The following THSD7B variants were observed in gnomAD, a reference collection of about 807,000 sequenced individuals.
THSD7B encodes the protein thrombospondin type-1 domain-containing protein 7B.
In THSD7B, 138 loss-of-function variants were observed where a neutral mutation model predicts 213.6. The observed-to-expected ratio is 0.65, with a 90% CI of 0.56 to 0.74. The LOEUF (loss-of-function observed/expected upper bound fraction) is 0.74. THSD7B is among the 30% of genes least tolerant of loss of function. The pLI, the probability that THSD7B is intolerant of heterozygous loss-of-function variation, is 0.00. For synonymous variants in THSD7B, 742 were observed against 687.0 expected, an observed-to-expected ratio of 1.08 and a Z score of -1.25; for missense variants, 1,931 against 1,991.5, an observed-to-expected ratio of 0.97 and a Z score of 0.58.
chr2:136,896,978 C>T (rs971558238), intron 2 of THSD7B, among the ~76,000 whole-genome samples: 9 of 151,790 alleles, frequency 5.9e-5, no homozygotes, highest in African/African-American at 2.2e-4. Context: ...CAGGGTCTCA[C>T]TATGTCACCC....
intron 7 of THSD7B, among the ~76,000 whole-genome samples, chr2:137,214,527 C>A (rs1681192921): frequency 6.6e-6 from 1 of 152,096 alleles, no homozygotes; most frequent in South Asian, 2.1e-4. Flanking sequence ...TGGTTTGCTG[C>A]ACCCATCACC....
chr2:136,830,619 T>C (rs1317161767), intron 1 of THSD7B, among the ~76,000 whole-genome samples: 1 of 152,230 alleles, frequency 6.6e-6, no homozygotes, highest in African/African-American at 2.4e-5. Flanking sequence ...TATTTTCTTC[T>C]TCTCTCTATC....
chr2:137,139,712 A>G (rs1679544631), intron 5 of THSD7B, among the ~76,000 whole-genome samples: 1 of 152,150 alleles, frequency 6.6e-6, no homozygotes, highest in Non-Finnish European at 1.5e-5. Flanking sequence ...TGTAGATATT[A>G]CATTTGCCTG....
intron 2 of THSD7B, among the ~76,000 whole-genome samples, chr2:136,955,592 G>T (rs925198315): frequency 1.3e-5 from 2 of 152,054 alleles, no homozygotes; most frequent in Non-Finnish European, 2.9e-5. Flanking sequence ...ATTAAGTTTA[G>T]GACATGAGTT....
intron 1 of THSD7B, among the ~76,000 whole-genome samples, chr2:136,770,152 C>T (rs1204535645): frequency 6.6e-6 from 1 of 152,176 alleles, no homozygotes; most frequent in African/African-American, 2.4e-5. Flanking sequence ...AACTTCGTGG[C>T]AGTTAGGCAC....
intron 15 of THSD7B, among the ~76,000 whole-genome samples, chr2:137,518,382 T>C (rs1029330830): frequency 1.3e-5 from 2 of 152,158 alleles, no homozygotes; most frequent in Non-Finnish European, 2.9e-5. Flanking sequence ...CTGTGCCTGG[T>C]TGTGCACTTT....
At chr2:137,289,446 A>T (rs146507433) in intron 12 of THSD7B, among the ~76,000 whole-genome samples, 100 of 152,172 alleles carry the variant, frequency 6.6e-4, no homozygotes, top group African/African-American at 2.3e-3. Context: ...ACCACCTAAG[A>T]TCTTTATGCT....
intron 5 of THSD7B, among the ~76,000 whole-genome samples, chr2:137,155,721 CT>C (rs1229473789): frequency 6.6e-6 from 1 of 152,108 alleles, no homozygotes; most frequent in African/African-American, 2.4e-5. Flanking sequence ...TGGGAAAAGA[CT>C]GGAGTTTTGC....
intron 1 of THSD7B, among the ~76,000 whole-genome samples, chr2:136,839,978 G>T (rs769361077): frequency 6.6e-6 from 1 of 152,154 alleles, no homozygotes; most frequent in African/African-American, 2.4e-5. Flanking sequence ...GGGATATTAA[G>T]TTGGAATGAC....
At chr2:136,804,786 T>A (rs1350365665) in intron 1 of THSD7B, among the ~76,000 whole-genome samples, 1 of 152,180 alleles carries the variant, frequency 6.6e-6, no homozygotes, top group African/African-American at 2.4e-5. Flanking sequence ...GTAAAAAAGC[T>A]TGCTTAATTA....
intron 1 of THSD7B, among the ~76,000 whole-genome samples, chr2:136,779,728 G>T (rs1681695121): frequency 6.6e-6 from 1 of 152,092 alleles, no homozygotes. Flanking sequence ...AATTTTCTGG[G>T]GTTTTCAACA....
chr2:137,286,798 G>A (rs1268175228), intron 12 of THSD7B, among the ~76,000 whole-genome samples: 1 of 152,108 alleles, frequency 6.6e-6, no homozygotes, highest in Non-Finnish European at 1.5e-5. Flanking sequence ...TTATCCACGA[G>A]CTATGGGCAT....
intron 12 of THSD7B, among the ~76,000 whole-genome samples, chr2:137,335,126 C>T (rs1431616591): frequency 6.6e-6 from 1 of 152,144 alleles, no homozygotes; most frequent in Non-Finnish European, 1.5e-5. Flanking sequence ...ATCCAGTAAC[C>T]TACCCCAGAA....
chr2:137,348,192 C>T (rs551293873), intron 12 of THSD7B, among the ~76,000 whole-genome samples: 1 of 151,770 alleles, frequency 6.6e-6, no homozygotes, highest in South Asian at 2.1e-4. Flanking sequence ...TGTAGACACT[C>T]AACAGAAGAT....
At chr2:137,426,261 A>G (rs1326362791) in intron 14 of THSD7B, among the ~76,000 whole-genome samples, 2 of 152,158 alleles carry the variant, frequency 1.3e-5, no homozygotes, top group African/African-American at 4.8e-5. Flanking sequence ...ATTCAAAATC[A>G]TCTACAGACT....
intron 12 of THSD7B, among the ~76,000 whole-genome samples, chr2:137,389,731 G>C (rs2104976419): frequency 6.6e-6 from 1 of 151,742 alleles, no homozygotes; most frequent in Admixed American, 6.6e-5. Context: ...AAACAATTTT[G>C]AGTTGCTTTT....
rs867086041 is a variant in THSD7B, at chr2:137,563,236, C to T, written c.3154C>T (p.Pro1052Ser). ...DLKNQVHEAV[P>S]CYSECNQYSW... Reference sequence around the variant, plus strand: ...TTCTTGACAGGTACATGAGGCAGTCCCATGTTACAGTGAGTGCAATCAGTA... The same window carrying T: ...TTCTTGACAGGTACATGAGGCAGTCTCATGTTACAGTGAGTGCAATCAGTA... Residue 1052 changes from proline (P) to serine (S), a missense_variant, in exon 16 of 28, where the codon CCA (proline) becomes TCA (serine). Physicochemically the swap from Pro to Ser is moderately conservative, Grantham distance 74 (BLOSUM62 -1). Transcript: ENST00000409968. 1 of 1,612,996 alleles carries T rather than the reference C, an allele frequency of 6.2e-7. No homozygotes were observed. The highest frequency in any genetic ancestry group is 8.5e-7 in the Non-Finnish European group (1 of 1,179,360).
At chr2:136,829,631 T>G (rs1682716603) in intron 1 of THSD7B, among the ~76,000 whole-genome samples, 1 of 152,048 alleles carries the variant, frequency 6.6e-6, no homozygotes. Context: ...TCATTTAAAT[T>G]TGGAGAAGAA....
At chr2:136,834,277 C>G (rs1680824935) in intron 1 of THSD7B, among the ~76,000 whole-genome samples, 2 of 152,198 alleles carry the variant, frequency 1.3e-5, no homozygotes, top group Admixed American at 1.3e-4. Flanking sequence ...CTTGCACAGT[C>G]TTTCTGCCAT....
Sources: gnomAD v4.1 joint callset for allele counts (sites outside exome capture counted in the v4.1 genomes callset) on GRCh38, gnomAD v4.1.1 for gene constraint, MANE v1.5 for transcripts, NCBI Gene and HGNC (gene_info 2026-07-23, HGNC 2026-07-21) for gene names.